The following FBXL17 variants were observed in gnomAD, a reference collection of about 807,000 sequenced individuals.
FBXL17 encodes F-box and leucine rich repeat protein 17.
In FBXL17, 22 loss-of-function variants were observed where a neutral mutation model predicts 66.2. The observed-to-expected ratio is 0.33, with a 90% CI of 0.24 to 0.47. The LOEUF (loss-of-function observed/expected upper bound fraction) is 0.47, where lower values mean the gene tolerates loss of function less well. Among genes scored for constraint, FBXL17 ranks in the 20% least tolerant of loss-of-function variants. The pLI, the probability that FBXL17 is intolerant of heterozygous loss-of-function variation, is 1.00. For missense variants in FBXL17, 878 were observed against 948.2 expected, an observed-to-expected ratio of 0.93 and a Z score of 0.97; for synonymous variants, 474 against 400.5, an observed-to-expected ratio of 1.18 and a Z score of -2.19.
At chr5:108,148,965 A>G (rs1158204455) in intron 6 of FBXL17, among the ~76,000 whole-genome samples, 1 of 152,240 alleles carries the variant, frequency 6.6e-6, no homozygotes, top group East Asian at 1.9e-4. Flanking sequence ...TATGTAAAAC[A>G]TTATGAGTCC....
intron 4 of FBXL17, among the ~76,000 whole-genome samples, chr5:108,324,024 T>C (rs1036167953): frequency 6.6e-6 from 1 of 151,974 alleles, no homozygotes; most frequent in African/African-American, 2.4e-5. Flanking sequence ...AACGTTGAAT[T>C]TGGCAATATT....
chr5:108,021,107 T>C, intron 6 of FBXL17, 106 bp from the exon 7 acceptor site: 1 of 733,058 alleles, frequency 1.4e-6, no homozygotes. Flanking sequence ...ACAGCTTCTT[T>C]AATGGTGTTT....
At chr5:107,880,459 C>T in intron 8 of FBXL17, 1 of 992,832 alleles carries the variant, frequency 1.0e-6, no homozygotes, top group African/African-American at 1.7e-5. Flanking sequence ...CTGGCTGGTT[C>T]TACAGGCCTT....
chr5:108,208,986 T>C (rs190357047), intron 5 of FBXL17, among the ~76,000 whole-genome samples: 196 of 152,332 alleles, frequency 1.3e-3, no homozygotes, highest in Non-Finnish European at 2.4e-3. Flanking sequence ...TGTTATTTTC[T>C]TGAGCAGTGG....
chr5:108,149,368 G>A (rs1266969282), intron 6 of FBXL17, among the ~76,000 whole-genome samples: 2 of 152,118 alleles, frequency 1.3e-5, no homozygotes, highest in African/African-American at 4.8e-5. Flanking sequence ...GTCATTTGAA[G>A]AATATCTTAG....
Position 108,000,077 on chromosome 5 carries a change from C to T in FBXL17, c.1822+20848G>A, listed in dbSNP as rs552396344. On this transcript the variant is annotated intron_variant, in intron 7 of 8. Transcript: ENST00000542267. ...TAATCTTGGGCAATTTGCTTAACTT[C>T]CCTGGATTCCTGTTTTCTTATCTGT... 2.0e-5 allele frequency among the ~76,000 whole-genome samples: 3 copies of T among 152,328 alleles called. No individual in the cohort carries two copies. In the East Asian group the frequency reaches 5.8e-4, roughly 29 times the overall value.
intron 6 of FBXL17, among the ~76,000 whole-genome samples, chr5:108,124,424 G>C (rs1305929968): frequency 6.6e-6 from 1 of 151,908 alleles, no homozygotes; most frequent in Non-Finnish European, 1.5e-5. Context: ...AGGAGGCCAG[G>C]CTGTTATAAA....
intron 5 of FBXL17, among the ~76,000 whole-genome samples, chr5:108,218,683 C>T (rs1017703639): frequency 7.4e-6 from 1 of 135,262 alleles, no homozygotes; most frequent in Admixed American, 8.1e-5. Flanking sequence ...TGATTAGTGA[C>T]ACTGAGCATT....
intron 8 of FBXL17, among the ~76,000 whole-genome samples, chr5:107,877,336 C>T (rs1251080598): frequency 2.0e-5 from 3 of 152,178 alleles, no homozygotes; most frequent in African/African-American, 7.2e-5. Context: ...GTACATGTTG[C>T]TTTCATCTGC....
intron 4 of FBXL17, among the ~76,000 whole-genome samples, chr5:108,329,363 A>C (rs923645847): frequency 9.2e-5 from 14 of 152,154 alleles, no homozygotes; most frequent in African/African-American, 2.9e-4. Flanking sequence ...CTTTAATAAA[A>C]TTCACAGCAT....
chr5:107,898,742 T>C (rs868554595), intron 7 of FBXL17, among the ~76,000 whole-genome samples: 8 of 152,174 alleles, frequency 5.3e-5, no homozygotes, highest in South Asian at 2.1e-4. Flanking sequence ...GTTCCTGTGA[T>C]AGTTTGCTGA....
intron 7 of FBXL17, among the ~76,000 whole-genome samples, chr5:107,964,855 A>G (rs1022135169): frequency 1.3e-5 from 2 of 152,148 alleles, no homozygotes; most frequent in Non-Finnish European, 2.9e-5. Context: ...TCCAATTAGC[A>G]CTTCAGTGCA....
intron 7 of FBXL17, among the ~76,000 whole-genome samples, chr5:107,977,229 G>C (rs1752614424): frequency 6.6e-6 from 1 of 152,084 alleles, no homozygotes; most frequent in African/African-American, 2.4e-5. Context: ...TTTTAAATGA[G>C]AAGCAATTGT....
Position 108,062,941 on chromosome 5 carries a change from A to C in FBXL17, c.1746-41940T>G, listed in dbSNP as rs1246081608. 6.6e-5 allele frequency among the ~76,000 whole-genome samples: 10 copies of C among 152,288 alleles called. No individual in the cohort carries two copies. In the South Asian group the frequency reaches 1.0e-3, roughly 16 times the overall value. On this transcript the variant is annotated intron_variant, in intron 6 of 8. Coordinates refer to ENST00000542267, the MANE Select transcript of FBXL17 (RefSeq NM_001163315.3). ...GTTCGGCAAAGTGAAAAGAGAGAAC[A>C]AATAATACTATGAGTATTAGTGCAG...
At chr5:108,056,552 GT>G (rs1415820973) in intron 6 of FBXL17, among the ~76,000 whole-genome samples, 2 of 152,152 alleles carry the variant, frequency 1.3e-5, no homozygotes, top group African/African-American at 2.4e-5. Flanking sequence ...AATACATAAA[GT>G]AGTCAACCCT....
At chr5:107,989,259 G>A (rs1057388389) in intron 7 of FBXL17, among the ~76,000 whole-genome samples, 7 of 151,662 alleles carry the variant, frequency 4.6e-5, no homozygotes, top group Admixed American at 2.0e-4. Flanking sequence ...ACGTATCTTC[G>A]TACCTATTAA....
At chr5:108,255,152 C>A (rs1756520185) in intron 4 of FBXL17, among the ~76,000 whole-genome samples, 2 of 152,020 alleles carry the variant, frequency 1.3e-5, no homozygotes, top group South Asian at 4.2e-4. Flanking sequence ...GTTTATTTTT[C>A]AACATAATAA....
chr5:107,888,295 G>GC (rs1337278293), intron 7 of FBXL17, among the ~76,000 whole-genome samples: 1 of 152,118 alleles, frequency 6.6e-6, no homozygotes, highest in Non-Finnish European at 1.5e-5. Context: ...AGTGAATATG[G>GC]AGTGTGTTTT....
At chr5:108,213,294 G>C (rs1386458341) in intron 5 of FBXL17, among the ~76,000 whole-genome samples, 2 of 152,150 alleles carry the variant, frequency 1.3e-5, no homozygotes, top group African/African-American at 2.4e-5. Flanking sequence ...CTTTCCAGGG[G>C]AGTGAATGGT....
Sources: gnomAD v4.1 joint callset for allele counts (sites outside exome capture counted in the v4.1 genomes callset) on GRCh38, gnomAD v4.1.1 for gene constraint, MANE v1.5 for transcripts, NCBI Gene and HGNC (gene_info 2026-07-23, HGNC 2026-07-21) for gene names.